PARD3: variants seen among roughly 807,000 people sequenced by gnomAD.
PARD3 encodes partitioning defective 3 homolog.
PARD3 carries 75 observed loss-of-function variants against 155.4 expected under a neutral mutation model. That is an observed-to-expected ratio of 0.48 (90% CI 0.40 to 0.58). The LOEUF (loss-of-function observed/expected upper bound fraction) is 0.58, where lower values mean the gene tolerates loss of function less well. Among genes scored for constraint, PARD3 ranks in the 20% least tolerant of loss-of-function variants. The probability of loss-of-function intolerance (pLI) is 0.00; values close to 1 mark genes in which losing one functional copy is unlikely to be tolerated. For synonymous variants in PARD3, 576 were observed against 610.5 expected (o/e 0.94, Z 0.83); for missense variants, 1,642 against 1,721.7 (o/e 0.95, Z 0.82).
chr10:34,578,480 A>G (rs949330029), intron 2 of PARD3, among the ~76,000 whole-genome samples: 1 of 152,256 alleles, frequency 6.6e-6, no homozygotes, highest in Admixed American at 6.5e-5. Flanking sequence ...TTGTCAAAGA[A>G]TAAGTTTTAA....
intron 4 of PARD3, among the ~76,000 whole-genome samples, chr10:34,468,068 A>G (rs1449498096): frequency 6.6e-6 from 1 of 152,170 alleles, no homozygotes; most frequent in East Asian, 1.9e-4. Flanking sequence ...ACCTGGAGGC[A>G]GGGTGGTGTA....
At chr10:34,237,410 CTTAT>C (rs1030511558) in intron 22 of PARD3, among the ~76,000 whole-genome samples, 23 of 152,206 alleles carry the variant, frequency 1.5e-4, no homozygotes, top group Admixed American at 3.3e-4. Flanking sequence ...CACAACTATT[CTTAT>C]TTATTTAGTT....
chr10:34,676,415 G>A (rs1173438223), intron 2 of PARD3, among the ~76,000 whole-genome samples: 1 of 152,044 alleles, frequency 6.6e-6, no homozygotes, highest in Non-Finnish European at 1.5e-5. Flanking sequence ...AAATGATCCA[G>A]GAATTTTGTA....
chr10:34,208,142 CAT>C (rs1375237750), intron 22 of PARD3, among the ~76,000 whole-genome samples: 1 of 152,188 alleles, frequency 6.6e-6, no homozygotes. Context: ...ACCATGAACA[CAT>C]GATTTACTTT....
At chr10:34,353,592 G>A (rs1200994223) in intron 14 of PARD3, among the ~76,000 whole-genome samples, 1 of 152,058 alleles carries the variant, frequency 6.6e-6, no homozygotes, top group Non-Finnish European at 1.5e-5. Flanking sequence ...AGGCCGCAGG[G>A]TCCTCTGCCT....
intron 22 of PARD3, among the ~76,000 whole-genome samples, chr10:34,243,926 C>T (rs1326425109): frequency 6.6e-6 from 1 of 152,144 alleles, no homozygotes; most frequent in Non-Finnish European, 1.5e-5. Context: ...GATCATTCAT[C>T]CTGCACAACA....
chr10:34,330,990 T>G, intron 19 of PARD3, 127 bp downstream of exon 19: 1 of 671,140 alleles, frequency 1.5e-6, no homozygotes, highest in South Asian at 2.0e-5. Flanking sequence ...AAATAAGAGA[T>G]TATTAGACCT....
intron 2 of PARD3, among the ~76,000 whole-genome samples, chr10:34,692,395 A>C (rs1336522700): frequency 1.3e-5 from 2 of 152,204 alleles, no homozygotes; most frequent in Non-Finnish European, 2.9e-5. Flanking sequence ...AAAAACAAAA[A>C]TTGACAAATG....
At chr10:34,761,920 C>G (rs891000297) in intron 1 of PARD3, among the ~76,000 whole-genome samples, 2 of 152,038 alleles carry the variant, frequency 1.3e-5, no homozygotes, top group Admixed American at 1.3e-4. Flanking sequence ...CACATATAAA[C>G]ATAACATAGA....
intron 22 of PARD3, among the ~76,000 whole-genome samples, chr10:34,236,803 C>A (rs183655102): frequency 2.6e-4 from 40 of 152,262 alleles, no homozygotes; most frequent in African/African-American, 9.6e-4. Context: ...GTCTATTCTC[C>A]AATAAGTCTG....
At chr10:34,649,283 T>G (rs1446641224) in intron 2 of PARD3, among the ~76,000 whole-genome samples, 1 of 152,116 alleles carries the variant, frequency 6.6e-6, no homozygotes, top group Non-Finnish European at 1.5e-5. Context: ...ATCTCCATAA[T>G]TAATTAAGGT....
intron 1 of PARD3, among the ~76,000 whole-genome samples, chr10:34,699,886 A>G (rs1421173922): frequency 2.0e-5 from 3 of 152,208 alleles, no homozygotes; most frequent in Non-Finnish European, 2.9e-5. Flanking sequence ...TAGGGGGAAG[A>G]TAAAAGTTAT....
chr10:34,511,715 G>A (rs2081409484), intron 3 of PARD3, among the ~76,000 whole-genome samples: 1 of 152,032 alleles, frequency 6.6e-6, no homozygotes, highest in African/African-American at 2.4e-5. Context: ...TCATACAAAG[G>A]ATACACAGAA....
chr10:34,433,617 A>G (rs2076052140), intron 5 of PARD3, among the ~76,000 whole-genome samples: 1 of 152,202 alleles, frequency 6.6e-6, no homozygotes, highest in African/African-American at 2.4e-5. Context: ...TGATATAATC[A>G]AACTAACATT....
intron 5 of PARD3, among the ~76,000 whole-genome samples, chr10:34,404,606 T>C (rs1589448023): frequency 6.6e-6 from 1 of 151,990 alleles, no homozygotes; most frequent in African/African-American, 2.4e-5. Flanking sequence ...ATTTGTTTTT[T>C]TTTTCTTTTT....
chr10:34,206,576 T>C (rs1951490209), intron 22 of PARD3, among the ~76,000 whole-genome samples: 3 of 152,174 alleles, frequency 2.0e-5, no homozygotes, highest in Admixed American at 6.5e-5. Context: ...CAGTGTTGCA[T>C]CTCCCTGACT....
intron 2 of PARD3, chr10:34,675,849 TCACA>T: frequency 6.1e-5 from 12 of 198,104 alleles, no homozygotes; most frequent in Admixed American, 1.4e-4. Flanking sequence ...TCCACCAACT[TCACA>T]CACACACACA....
chr10:34,465,570 T>A (rs901030925), intron 4 of PARD3, among the ~76,000 whole-genome samples: 1 of 152,172 alleles, frequency 6.6e-6, no homozygotes, highest in African/African-American at 2.4e-5. Flanking sequence ...AAGGTCTCCA[T>A]TTAAAAAATC....
chr10:34,548,546 A>G (rs756350785), intron 2 of PARD3, among the ~76,000 whole-genome samples: 22 of 136,090 alleles, frequency 1.6e-4, no homozygotes, highest in South Asian at 2.4e-4. Context: ...CGTATGAAGG[A>G]TATTTTAAGA....
Sources: allele counts gnomAD v4.1 joint callset (sites outside exome capture counted in the v4.1 genomes callset), GRCh38; gene constraint gnomAD v4.1.1; transcripts MANE v1.5; gene names NCBI Gene and HGNC (gene_info 2026-07-23, HGNC 2026-07-21).